The following ZNF391 variants were observed in gnomAD, a reference collection of about 807,000 sequenced individuals.
ZNF391 encodes the protein zinc finger protein 391.
For synonymous variants in ZNF391, 126 were observed against 142.1 expected (o/e 0.89, Z 0.80); for missense variants, 375 against 425.5 (o/e 0.88, Z 1.04).
At chr6:27,375,940 A>G (rs957967274) in intron 1 of ZNF391, among the ~76,000 whole-genome samples, 1 of 152,190 alleles carries the variant, frequency 6.6e-6, no homozygotes, top group Admixed American at 6.5e-5. Context: ...GGGAGTTTAA[A>G]TACCCCCTAG....
At position 27,401,704 on chromosome 6, in the gene ZNF391, A is replaced by G. The variant is rs557781541; in HGVS notation, c.*257A>G. The G allele has an allele frequency of 4.9e-5, 16 of 325,124 alleles. No individual in the cohort carries two copies. The highest frequency in any genetic ancestry group is 3.2e-4 in the African/African-American group (15 of 47,328). 20.1% of individuals were successfully genotyped at this position (325,124 alleles called of 1,614,324 possible). A position where few individuals can be genotyped will look rare whatever the true frequency, so the allele number is the denominator to read the frequency against. ...TTCTCTTTTCTCAAATAAGTTCACA[A>G]TAAAACAAAGGGATGACTCAAAAAA... On this transcript the variant is annotated 3_prime_UTR_variant, in exon 3 of 3. Transcript: ENST00000244576.
At chr6:27,394,330 G>A (rs6923108) in intron 1 of ZNF391, among the ~76,000 whole-genome samples, 107,692 of 152,168 alleles carry the variant, frequency 0.71, 38,339 homozygotes, top group Middle Eastern at 0.82. Context: ...CCTAAATCCT[G>A]GTTGCTCAGG....
chr6:27,398,137 G>A (rs532134503), intron 1 of ZNF391, among the ~76,000 whole-genome samples: 1 of 152,286 alleles, frequency 6.6e-6, no homozygotes, highest in African/African-American at 2.4e-5. Context: ...CATCTGAGAG[G>A]TCCCAGTCTA....
At chr6:27,382,749 T>A (rs964900225) in intron 1 of ZNF391, among the ~76,000 whole-genome samples, 1 of 152,214 alleles carries the variant, frequency 6.6e-6, no homozygotes, top group African/African-American at 2.4e-5. Flanking sequence ...ATGATTTTGA[T>A]GGCCTTATTG....
chr6:27,379,147 C>T (rs1369241322), intron 1 of ZNF391, among the ~76,000 whole-genome samples: 1 of 152,184 alleles, frequency 6.6e-6, no homozygotes, highest in Admixed American at 6.5e-5. Context: ...ATTAACCCAA[C>T]AATAGATGAA....
In ZNF391 at chr6:27,400,946, A is replaced by T. The variant is rs1761943839; in HGVS notation, c.576A>T (p.Pro192=). 1 of 1,614,094 alleles carries T rather than the reference A, an allele frequency of 6.2e-7. No individual in the cohort carries two copies. Among genetic ancestry groups the T allele is most frequent in the Admixed American group, 1.7e-5 (1 of 60,006 alleles). ...AGAGAATCCATACTGGAGAAAAACC[A>T]TATGAATGTAGTGAATGTGGAAAAG... ...LHQRIHTGEK[P]YECSECGKAF... is the part of the protein sequence containing the mutation. Residue 192 remains proline, a synonymous_variant, in exon 3 of 3, where the codon CCA becomes CCT. Coordinates refer to ENST00000244576, the MANE Select transcript of ZNF391 (RefSeq NM_001076781.3).
Position 27,401,465 on chromosome 6 carries a change from A to C in ZNF391, c.*18A>C. 1 of 1,571,634 alleles carries C rather than the reference A, an allele frequency of 6.4e-7. No individual in the cohort carries two copies. Among genetic ancestry groups the C allele is most frequent in the Non-Finnish European group, 8.6e-7 (1 of 1,160,660 alleles). On this transcript the variant is annotated 3_prime_UTR_variant, in exon 3 of 3. Transcript: ENST00000244576. Reference sequence around the variant, plus strand: ...AAGAGTAATATCTGAGCTTTTATTAATGTTAGCATAAGAACACATATACCT... The same window carrying C: ...AAGAGTAATATCTGAGCTTTTATTACTGTTAGCATAAGAACACATATACCT...
At chr6:27,379,990 A>C (rs991309698) in intron 1 of ZNF391, among the ~76,000 whole-genome samples, 1 of 152,200 alleles carries the variant, frequency 6.6e-6, no homozygotes, top group Non-Finnish European at 1.5e-5. Flanking sequence ...TCTTGACCAA[A>C]AGACTGAGAC....
At chr6:27,394,983 T>C (rs1163247750) in intron 1 of ZNF391, 8 of 152,138 alleles carry the variant, frequency 5.3e-5, no homozygotes, top group Admixed American at 5.2e-4. Context: ...GCACCTCCAT[T>C]GTATCTTGGA....
At chr6:27,392,826 G>A (rs1035810649) in intron 1 of ZNF391, among the ~76,000 whole-genome samples, 5 of 152,146 alleles carry the variant, frequency 3.3e-5, no homozygotes, top group Admixed American at 3.3e-4. Flanking sequence ...TTTATTACTT[G>A]GCCTTGTGCC....
chr6:27,393,406 A>G (rs933186324), intron 1 of ZNF391, among the ~76,000 whole-genome samples: 1 of 152,150 alleles, frequency 6.6e-6, no homozygotes, highest in African/African-American at 2.4e-5. Context: ...GCCTTCCACC[A>G]TGAGTAAAAG....
upstream of ZNF391, among the ~76,000 whole-genome samples, chr6:27,386,516 T>C (rs1333792630): frequency 6.6e-6 from 1 of 152,116 alleles, no homozygotes; most frequent in Non-Finnish European, 1.5e-5. Flanking sequence ...TACACAAGCC[T>C]ACAGTAACCT....
chr6:27,378,497 GA>G (rs1263909836), intron 1 of ZNF391, among the ~76,000 whole-genome samples: 1 of 152,174 alleles, frequency 6.6e-6, no homozygotes, highest in Non-Finnish European at 1.5e-5. Context: ...GAGCCAGGAT[GA>G]GCCAGGAGAA....
chr6:27,396,768 A>G (rs990081953), intron 1 of ZNF391, among the ~76,000 whole-genome samples: 33 of 152,192 alleles, frequency 2.2e-4, no homozygotes, highest in Non-Finnish European at 1.5e-5. Flanking sequence ...TTGATTTTCC[A>G]ATACATATAA....
chr6:27,390,009 C>G (rs921099543), intron 1 of ZNF391, among the ~76,000 whole-genome samples: 2 of 152,124 alleles, frequency 1.3e-5, no homozygotes, highest in Admixed American at 1.3e-4. Flanking sequence ...CTGAAGATCA[C>G]CTTTGGTAGG....
rs573639992 is a variant in ZNF391, at chr6:27,403,876, A to G, written c.*2429A>G. On this transcript the variant is annotated 3_prime_UTR_variant, in exon 3 of 3. Coordinates refer to ENST00000244576, the MANE Select transcript of ZNF391 (RefSeq NM_001076781.3). The stretch of plus-strand genomic sequence containing the variant: ...AGTGCCTGACAAAAGTAAATGCTCA[A>G]TAAATTCTAATTGTTATGATTCTAG... 1 of 152,242 alleles carries G rather than the reference A, an allele frequency of 6.6e-6. No homozygotes were observed. The highest frequency in any genetic ancestry group is 1.5e-5 in the Non-Finnish European group (1 of 68,036). The allele number at this position is 152,242 out of a possible 1,614,324, so 9.4% of individuals were successfully genotyped here.
In ZNF391 at chr6:27,401,041, A is replaced by G; in HGVS notation, c.671A>G (p.Asn224Ser). 1.9e-6 allele frequency: 3 copies of G among 1,614,240 alleles called. No individual in the cohort carries two copies. The highest frequency in any genetic ancestry group is 2.5e-6 in the Non-Finnish European group (3 of 1,180,046). Reference sequence around the variant, plus strand: ...ACTCAAGAAAGGCCTTACAAATGTAATGAATGTGGGAAAGCCTTCGGTGAC... The same window carrying G: ...ACTCAAGAAAGGCCTTACAAATGTAGTGAATGTGGGAAAGCCTTCGGTGAC... The part of the protein sequence containing the change: ...THTQERPYKC[N>S]ECGKAFGDRS... Residue 224 changes from asparagine (N) to serine (S), a missense_variant, in exon 3 of 3, where the codon AAT (asparagine) becomes AGT (serine). Transcript: ENST00000244576.
rs1761390014 is a variant in ZNF391 at position 27,374,922 on chromosome 6, C to T, written n.308C>T. On this transcript the variant is annotated non_coding_transcript_exon_variant, in exon 1 of 3. Coordinates refer to the ZNF391 transcript ENST00000477999. The surrounding 1 kb of genome is among the most constrained non-coding windows in gnomAD (Gnocchi z 5.3). Reference sequence around the variant, plus strand: ...AGAGCCCCGAGCAGGCTCGGGTTCCCGCAGGATACACTGCCCGCCCAGTGG... The same window carrying T: ...AGAGCCCCGAGCAGGCTCGGGTTCCTGCAGGATACACTGCCCGCCCAGTGG... 1 of 152,340 alleles carries T rather than the reference C, an allele frequency of 6.6e-6. No individual in the cohort carries two copies. Among genetic ancestry groups the T allele is most frequent in the South Asian group, 2.1e-4 (1 of 4,830 alleles). 9.4% of individuals were successfully genotyped at this position (152,340 alleles called of 1,614,324 possible).
intron 1 of ZNF391, among the ~76,000 whole-genome samples, chr6:27,381,676 T>C (rs1761511670): frequency 6.6e-6 from 1 of 152,136 alleles, no homozygotes; most frequent in Non-Finnish European, 1.5e-5. Context: ...AGGAGGAGGC[T>C]GCAGTGAGCC....
Sources: gnomAD v4.1 joint callset for allele counts (sites outside exome capture counted in the v4.1 genomes callset) on GRCh38, gnomAD v4.1.1 for gene constraint, Gnocchi (gnomAD v3.1) non-coding constraint, MANE v1.5 for transcripts, NCBI Gene and HGNC (gene_info 2026-07-23, HGNC 2026-07-21) for gene names.